The following ADAMTSL1 variants were observed in gnomAD, a reference collection of about 807,000 sequenced individuals.
The protein encoded by ADAMTSL1 is ADAMTS like 1, also known as ADAMTS-like protein 1.
A neutral mutation model predicts 201.8 loss-of-function variants in ADAMTSL1; 126 were observed. The ratio of observed to expected loss-of-function variants is 0.62; its 90% CI spans 0.54 to 0.72. ADAMTSL1 has a LOEUF of 0.72. Ranked by LOEUF, ADAMTSL1 falls within the 30% of genes least tolerant of loss-of-function variation. The pLI, the probability that ADAMTSL1 is intolerant of heterozygous loss-of-function variation, is 0.00. For missense variants in ADAMTSL1, 2,679 were observed against 2,277.8 expected (o/e 1.18, Z -3.59); for synonymous variants, 1,121 against 903.4 (o/e 1.24, Z -4.32).
At chr9:18,636,520 C>G (rs1827123700) in intron 6 of ADAMTSL1, among the ~76,000 whole-genome samples, 3 of 152,100 alleles carry the variant, frequency 2.0e-5, no homozygotes, top group Admixed American at 6.6e-5. Context: ...TTAAGCATCC[C>G]ATGTTTTAAA....
intron 3 of ADAMTSL1, among the ~76,000 whole-genome samples, chr9:18,562,607 G>C (rs1022319805): frequency 1.3e-5 from 2 of 152,196 alleles, no homozygotes; most frequent in Non-Finnish European, 1.5e-5. Flanking sequence ...ATCTGGAAGA[G>C]TGTTTTCTAC....
chr9:18,050,394 C>G (rs568422303), intron 1 of ADAMTSL1, among the ~76,000 whole-genome samples: 2 of 152,160 alleles, frequency 1.3e-5, no homozygotes, highest in East Asian at 1.9e-4. Context: ...CAGTAATATG[C>G]TACCTTCCAA....
At chr9:18,419,928 C>T (rs1243738931) in intron 2 of ADAMTSL1, among the ~76,000 whole-genome samples, 2 of 152,036 alleles carry the variant, frequency 1.3e-5, no homozygotes, top group Non-Finnish European at 2.9e-5. Context: ...TGGGGTTTCA[C>T]CATGTTGGTC....
In ADAMTSL1 at chr9:18,574,048, G is replaced by A; in HGVS notation, c.256G>A (p.Gly86Ser). ...TCTCCAGGACTGCCCACCAGAAGCA[G>A]GTGATTTCCGAGCTCAGCAATGCTC... is the stretch of plus-strand genomic sequence containing the variant. ...CSNVDCPPEA[G>S]DFRAQQCSAH... is the part of the protein sequence containing the mutation. The change falls in exon 4 of 29, where the codon GGT becomes AGT. Residue 86 changes from glycine to serine, a missense_variant. By Grantham distance (56) the Gly-to-Ser change is moderately conservative. Transcript: ENST00000380548. 2 of 1,613,608 alleles carry A rather than the reference G, an allele frequency of 1.2e-6. No individual in the cohort carries two copies. The highest frequency in any genetic ancestry group is 2.2e-5 in the South Asian group (2 of 91,072).
intron 15 of ADAMTSL1, 69 bp downstream of exon 15, chr9:18,721,734 A>C (rs545218184): frequency 1.9e-6 from 3 of 1,558,128 alleles, no homozygotes; most frequent in Non-Finnish European, 2.6e-6. Context: ...TTCAGTGGGC[A>C]AGACTGTAAC....
chr9:18,247,338 T>C (rs973105361), intron 2 of ADAMTSL1, among the ~76,000 whole-genome samples: 23 of 152,188 alleles, frequency 1.5e-4, no homozygotes, highest in East Asian at 3.8e-4. Context: ...ATAACTTATA[T>C]TTTGAAGAAA....
At chr9:18,391,842 T>TTTTTTTTTGTTTTG (rs1838061343) in intron 2 of ADAMTSL1, among the ~76,000 whole-genome samples, 1 of 147,186 alleles carries the variant, frequency 6.8e-6, no homozygotes, top group Admixed American at 6.8e-5. Context: ...TTTTTTTTTT[T>TTTTTTTTTGTTTTG]GAGATGGAGC....
chr9:18,654,794 C>G (rs1049017723), intron 7 of ADAMTSL1, among the ~76,000 whole-genome samples: 2 of 152,212 alleles, frequency 1.3e-5, no homozygotes, highest in African/African-American at 4.8e-5. Flanking sequence ...ACCAGTTTTC[C>G]ATGTTATTCT....
At chr9:18,446,289 A>G (rs1262558525) in intron 2 of ADAMTSL1, among the ~76,000 whole-genome samples, 3 of 152,330 alleles carry the variant, frequency 2.0e-5, no homozygotes, top group African/African-American at 7.2e-5. Context: ...GTAGGAAGAT[A>G]TGCCTGGGGG....
chr9:17,963,773 C>G (rs1322943528), intron 1 of ADAMTSL1, among the ~76,000 whole-genome samples: 1 of 151,980 alleles, frequency 6.6e-6, no homozygotes, highest in African/African-American at 2.4e-5. Flanking sequence ...GTTAATAGAT[C>G]CCTTCATTTT....
chr9:17,991,568 G>A (rs1306973733), intron 1 of ADAMTSL1, among the ~76,000 whole-genome samples: 1 of 152,122 alleles, frequency 6.6e-6, no homozygotes, highest in African/African-American at 2.4e-5. Context: ...TATAGTTCAA[G>A]TCTTTCAGAT....
intron 19 of ADAMTSL1, among the ~76,000 whole-genome samples, chr9:18,792,076 C>CAAAAA (rs372062110): frequency 1.7e-3 from 256 of 147,118 alleles, no homozygotes; most frequent in African/African-American, 5.9e-3. Flanking sequence ...TAGTTGTATG[C>CAAAAA]AAAAAAAAAA....
At chr9:17,971,222 A>G (rs1350024333) in intron 1 of ADAMTSL1, among the ~76,000 whole-genome samples, 2 of 152,034 alleles carry the variant, frequency 1.3e-5, no homozygotes, top group East Asian at 3.9e-4. Context: ...TAGTCAAGCA[A>G]ACTGACATGT....
At chr9:18,660,833 A>T (rs1829046777) in intron 8 of ADAMTSL1, among the ~76,000 whole-genome samples, 1 of 152,116 alleles carries the variant, frequency 6.6e-6, no homozygotes, top group Admixed American at 6.5e-5. Context: ...TCTTTAATGA[A>T]CAATTAATTT....
At chr9:18,004,300 G>A (rs1819727689) in intron 1 of ADAMTSL1, among the ~76,000 whole-genome samples, 1 of 152,016 alleles carries the variant, frequency 6.6e-6, no homozygotes, top group Non-Finnish European at 1.5e-5. Flanking sequence ...AAGGCTGAGG[G>A]ATGCCATCTT....
chr9:18,174,833 G>A (rs865976386), intron 2 of ADAMTSL1, among the ~76,000 whole-genome samples: 11 of 152,122 alleles, frequency 7.2e-5, no homozygotes, highest in Admixed American at 4.6e-4. Flanking sequence ...GAACAATGTC[G>A]TAATTTTGCT....
intron 1 of ADAMTSL1, among the ~76,000 whole-genome samples, chr9:18,474,855 A>G (rs555685330): frequency 6.6e-6 from 1 of 152,226 alleles, no homozygotes; most frequent in East Asian, 1.9e-4. Flanking sequence ...GGATTTATGA[A>G]TTGAGGATTA....
intron 15 of ADAMTSL1, among the ~76,000 whole-genome samples, chr9:18,726,217 T>A (rs498881): frequency 2.0e-5 from 3 of 152,074 alleles, no homozygotes; most frequent in East Asian, 1.9e-4. Flanking sequence ...ATACTTAAGC[T>A]TCAGTCTGGG....
At chr9:18,720,386 C>T (rs7865575) in intron 14 of ADAMTSL1, among the ~76,000 whole-genome samples, 24,160 of 152,178 alleles carry the variant, frequency 0.16, 2,155 homozygotes, top group East Asian at 0.35. Flanking sequence ...AAGCTCTTAG[C>T]GTTGGTACCT....
Sources: allele counts gnomAD v4.1 joint callset (sites outside exome capture counted in the v4.1 genomes callset), GRCh38; gene constraint gnomAD v4.1.1; transcripts MANE v1.5; gene names NCBI Gene and HGNC (gene_info 2026-07-23, HGNC 2026-07-21).